ZNF678: variants seen among roughly 807,000 people sequenced by gnomAD.
ZNF678 encodes hypothetical protein MGC42493.
ZNF678 carries 5 observed loss-of-function variants against 3.0 expected under a neutral mutation model. The ratio of observed to expected loss-of-function variants is 1.69; its 90% confidence interval spans 0.88 to 3.56. The LOEUF (loss-of-function observed/expected upper bound fraction) is 3.56. Ranked by LOEUF, ZNF678 falls within the 30% of genes most tolerant of loss-of-function variation. The pLI is 0.00. For missense variants in ZNF678, 593 were observed against 605.0 expected (o/e 0.98, Z 0.21); for synonymous variants, 218 against 199.6 (o/e 1.09, Z -0.78).
At position 227,670,444 on chromosome 1, in the gene ZNF678, A is replaced by G. The variant is rs576317332; in HGVS notation, c.227-6735A>G. Among the ~76,000 whole-genome samples the G allele has an allele frequency of 6.3e-4, 96 of 152,314 alleles. 2 individuals are homozygous for G. Among genetic ancestry groups the G allele is most frequent in the African/African-American group, 2.0e-3 (83 of 41,566 alleles). On this transcript the variant is annotated intron_variant, in intron 5 of 5. Transcript: ENST00000608949. ...CCTCCATTGTATTGGAGTAAAGTGT[A>G]AGATTATTATGGTCTCAGGTAGGAC...
At chr1:227,613,758 ACT>A (rs1222925734) in intron 1 of ZNF678, among the ~76,000 whole-genome samples, 3 of 151,592 alleles carry the variant, frequency 2.0e-5, no homozygotes, top group African/African-American at 2.4e-5. Context: ...CCCTTGCAAA[ACT>A]CTGTACTGGG....
intron 1 of ZNF678, among the ~76,000 whole-genome samples, chr1:227,626,830 T>C (rs1005321935): frequency 6.6e-6 from 1 of 152,024 alleles, no homozygotes; most frequent in Non-Finnish European, 1.5e-5. Context: ...CCTGGGTTAC[T>C]GTAGCCTTGA....
chr1:227,624,715 TGTTCA>T (rs1322275128), intron 1 of ZNF678, among the ~76,000 whole-genome samples: 1 of 152,106 alleles, frequency 6.6e-6, no homozygotes, highest in Non-Finnish European at 1.5e-5. Flanking sequence ...CAGCGACTAG[TGTTCA>T]GTTCAGTTAG....
At chr1:227,599,189 G>T (rs1378726413) in intron 1 of ZNF678, 2 of 1,075,436 alleles carry the variant, frequency 1.9e-6, no homozygotes, top group Non-Finnish European at 2.8e-6. Context: ...AATAACCTTT[G>T]TTAAATTTAA....
intron 1 of ZNF678, among the ~76,000 whole-genome samples, chr1:227,621,907 ACT>A (rs1260049325): frequency 1.3e-5 from 2 of 152,288 alleles, no homozygotes. Context: ...GACAAAACAG[ACT>A]CTGTAGCAAT....
At chr1:227,574,324 C>T (rs1656934433) in intron 1 of ZNF678, among the ~76,000 whole-genome samples, 1 of 152,160 alleles carries the variant, frequency 6.6e-6, no homozygotes, top group Non-Finnish European at 1.5e-5. Context: ...GCAACCGTGC[C>T]AGCATTTGTT....
intron 1 of ZNF678, among the ~76,000 whole-genome samples, chr1:227,625,426 A>T (rs1658386309): frequency 6.6e-6 from 1 of 152,142 alleles, no homozygotes; most frequent in Non-Finnish European, 1.5e-5. Flanking sequence ...ACATTGGAGC[A>T]TGGGCTAGCA....
chr1:227,612,956 A>G (rs190390927), intron 1 of ZNF678, among the ~76,000 whole-genome samples: 1 of 152,110 alleles, frequency 6.6e-6, no homozygotes, highest in Non-Finnish European at 1.5e-5. Flanking sequence ...GGGAACCTCC[A>G]TGTTACTCAG....
intron 1 of ZNF678, among the ~76,000 whole-genome samples, chr1:227,612,979 G>A (rs532585043): frequency 5.3e-5 from 8 of 152,176 alleles, no homozygotes; most frequent in Non-Finnish European, 8.8e-5. Context: ...TGAGCAGGGT[G>A]TCCATTTTTC....
chr1:227,664,957 C>T (rs566107339), downstream of ZNF678, among the ~76,000 whole-genome samples: 9 of 152,298 alleles, frequency 5.9e-5, no homozygotes, highest in African/African-American at 2.2e-4. Flanking sequence ...TTTGTGGTGA[C>T]ACAGCTGGAT....
chr1:227,653,490 T>G (rs1323049417), intron 3 of ZNF678, among the ~76,000 whole-genome samples: 1 of 152,110 alleles, frequency 6.6e-6, no homozygotes, highest in Non-Finnish European at 1.5e-5. Context: ...AATTTTTTAT[T>G]TATTTTGTTT....
intron 1 of ZNF678, among the ~76,000 whole-genome samples, chr1:227,578,988 G>T (rs1388399310): frequency 6.6e-6 from 1 of 152,158 alleles, no homozygotes; most frequent in Non-Finnish European, 1.5e-5. Context: ...CAGCCAACTG[G>T]TTTTGTTTCT....
chr1:227,569,665 G>A (rs1253327189), intron 1 of ZNF678, among the ~76,000 whole-genome samples: 1 of 149,344 alleles, frequency 6.7e-6, no homozygotes, highest in African/African-American at 2.5e-5. Flanking sequence ...TTTACTGAAT[G>A]CATTTATTAG....
intron 1 of ZNF678, among the ~76,000 whole-genome samples, chr1:227,640,606 T>TAAA (rs1232715808): frequency 6.6e-6 from 1 of 152,116 alleles, no homozygotes; most frequent in Non-Finnish European, 1.5e-5. Flanking sequence ...AATAATTGCT[T>TAAA]ATGTCAGTTA....
At chr1:227,674,573 G>C (rs1342645234) in intron 5 of ZNF678, among the ~76,000 whole-genome samples, 1 of 150,438 alleles carries the variant, frequency 6.6e-6, no homozygotes, top group Non-Finnish European at 1.5e-5. Context: ...AAAAATCATA[G>C]TGATATTAAA....
At chr1:227,676,333 A>G (rs1255572256) in intron 5 of ZNF678, among the ~76,000 whole-genome samples, 1 of 152,332 alleles carries the variant, frequency 6.6e-6, no homozygotes, top group East Asian at 1.9e-4. Context: ...ACAGTGTAAG[A>G]CTACCAAATG....
intron 1 of ZNF678, among the ~76,000 whole-genome samples, chr1:227,637,334 G>A (rs1017346631): frequency 2.0e-5 from 3 of 152,194 alleles, no homozygotes; most frequent in Non-Finnish European, 4.4e-5. Context: ...GCAGAGATGA[G>A]ACTTAGTACA....
intron 1 of ZNF678, among the ~76,000 whole-genome samples, chr1:227,592,007 G>A (rs1657427775): frequency 6.6e-6 from 1 of 152,092 alleles, no homozygotes; most frequent in Non-Finnish European, 1.5e-5. Flanking sequence ...CACTTTGCAG[G>A]GGTTTGCAAA....
At chr1:227,598,483 GCTT>G in intron 1 of ZNF678, 1 of 1,428,602 alleles carries the variant, frequency 7.0e-7, no homozygotes, top group South Asian at 1.3e-5. Flanking sequence ...TGTTTCTTAT[GCTT>G]CTTTTTCTTT....
Sources: gnomAD v4.1 joint callset for allele counts (sites outside exome capture counted in the v4.1 genomes callset) on GRCh38, gnomAD v4.1.1 for gene constraint, MANE v1.5 for transcripts, NCBI Gene and HGNC (gene_info 2026-07-23, HGNC 2026-07-21) for gene names.